Variants in SUSD4 observed in about 807,000 individuals in gnomAD.
SUSD4 encodes sushi domain containing 4, also known as sushi domain-containing protein 4.
Under a neutral mutation model 50.5 loss-of-function variants are expected in SUSD4, and 41 were observed. That is an observed-to-expected ratio of 0.81 (90% CI 0.63 to 1.05). SUSD4 has a LOEUF of 1.05. SUSD4 is among the 50% of genes least tolerant of loss of function. The pLI is 0.00. For synonymous variants in SUSD4, 257 were observed against 257.3 expected (o/e 1.00, Z 0.01); for missense variants, 580 against 634.7 (o/e 0.91, Z 0.93).
intron 1 of SUSD4, 120 bp from the exon 2 acceptor site, chr1:223,363,580 C>G: frequency 8.4e-7 from 1 of 1,195,274 alleles, no homozygotes; most frequent in South Asian, 2.0e-5. Context: ...TGGTTCCTCC[C>G]CCGCGCGGCC....
chr1:223,364,290 C>G (rs1356402618), upstream of SUSD4: 9 of 147,856 alleles, frequency 6.1e-5, no homozygotes, highest in African/African-American at 2.0e-4. The surrounding 1 kb of genome is among the most constrained non-coding windows in gnomAD (Gnocchi z 4.5). Flanking sequence ...CGCGGAGGCG[C>G]CCGCGCGCCC....
intron 5 of SUSD4, chr1:223,235,016 AAC>A (rs1329299618): frequency 6.2e-7 from 1 of 1,611,652 alleles, no homozygotes; most frequent in Admixed American, 1.7e-5. Context: ...AGAGGACTTT[AAC>A]ACAGGGCAAA....
intron 2 of SUSD4, among the ~76,000 whole-genome samples, chr1:223,331,837 C>A (rs2103273047): frequency 6.6e-6 from 1 of 152,320 alleles, no homozygotes; most frequent in Middle Eastern, 3.4e-3. Flanking sequence ...GTGTTCTCCT[C>A]TGCCTCCCCT....
intron 2 of SUSD4, among the ~76,000 whole-genome samples, chr1:223,308,243 T>C (rs977039915): frequency 1.1e-4 from 17 of 152,306 alleles, no homozygotes; most frequent in African/African-American, 3.8e-4. Context: ...GGATTTCTCA[T>C]GAATGGTTCA....
intron 3 of SUSD4, among the ~76,000 whole-genome samples, chr1:223,283,841 T>A (rs182855540): frequency 6.6e-6 from 1 of 152,142 alleles, no homozygotes. Flanking sequence ...CAAATGTCCA[T>A]TAATGATAGA....
intron 3 of SUSD4, among the ~76,000 whole-genome samples, chr1:223,269,439 G>A (rs1193708910): frequency 6.6e-6 from 1 of 152,174 alleles, no homozygotes; most frequent in African/African-American, 2.4e-5. Flanking sequence ...AAATGAACAA[G>A]TGATCATTAC....
Position 223,223,254 on chromosome 1 carries a change from G to T in SUSD4, c.1439C>A (p.Ala480Glu), listed in dbSNP as rs773072554. Reference protein sequence around the residue: ...VASTSPGIDIADEIPLMEEDP With the variant: ...VASTSPGIDIEDEIPLMEEDP Reference sequence around the variant, plus strand: ...GCCCTGGGGCAAGCACTTACCATCTGCAATGTCGATGCCTGGGCTGGTGGA... The same window carrying T: ...GCCCTGGGGCAAGCACTTACCATCTTCAATGTCGATGCCTGGGCTGGTGGA... The change falls in exon 8 of 9, where the codon GCA becomes GAA. Residue 480 changes from alanine (A) to glutamate (E), a missense_variant. Coordinates refer to ENST00000366878, the MANE Select transcript of SUSD4 (RefSeq NM_017982.4). The T allele has an allele frequency of 2.0e-6, 3 of 1,535,398 alleles. No individual in the cohort carries two copies. Among genetic ancestry groups the T allele is most frequent in the Non-Finnish European group, 2.6e-6 (3 of 1,146,364 alleles).
chr1:223,227,157 A>G lies in SUSD4; in HGVS notation c.1061+437T>C, dbSNP rs1197452620. ...CTTTTCTCCTTCCTGAGGCTTCTCA[A>G]TGCATAACACTTTTGTTCACACACC... On this transcript the variant is annotated intron_variant, in intron 7 of 8. Coordinates refer to ENST00000366878, the MANE Select transcript of SUSD4 (RefSeq NM_017982.4). The surrounding 1 kb of genome is among the most constrained non-coding windows in gnomAD (Gnocchi z 4.5). 6.6e-6 allele frequency among the ~76,000 whole-genome samples: 1 copy of G among 152,132 alleles called. No individual in the cohort carries two copies. The highest frequency in any genetic ancestry group is 2.4e-5 in the African/African-American group (1 of 41,412).
chr1:223,363,349 G>A lies in SUSD4; in HGVS notation c.77C>T (p.Pro26Leu), dbSNP rs1669111935. ...QQQQQQQPQS[P>L]QRLLAVILWF... ...CAGGATCACGGCCAAGAGTCTCTGG[G>A]GGGACTGAGGTTGCTGCTGCTGCTG... The change falls in exon 2 of 9, where the codon CCC (proline) becomes CTC (leucine). Residue 26 changes from proline to leucine, a missense_variant. Physicochemically the swap from Pro to Leu is moderately conservative, Grantham distance 98. Coordinates refer to ENST00000366878, the MANE Select transcript of SUSD4 (RefSeq NM_017982.4). The A allele has an allele frequency of 1.9e-6, 3 of 1,608,584 alleles. No individual in the cohort carries two copies. Among genetic ancestry groups the A allele is most frequent in the East Asian group, 2.2e-5 (1 of 44,688 alleles).
chr1:223,347,225 T>C (rs1668082932), intron 2 of SUSD4, among the ~76,000 whole-genome samples: 1 of 152,240 alleles, frequency 6.6e-6, no homozygotes, highest in South Asian at 2.1e-4. Flanking sequence ...CTTTTTTAGT[T>C]ATTTTGAAAT....
rs78481226 is a variant in SUSD4 at position 223,358,468 on chromosome 1, T to C, written c.148+4810A>G. On this transcript the variant is annotated intron_variant, in intron 2 of 8. Coordinates refer to ENST00000366878, the MANE Select transcript of SUSD4 (RefSeq NM_017982.4). The stretch of plus-strand genomic sequence containing the variant: ...CTATAAAGAATGCAGAGCACTTGTT[T>C]ATACCAGAGTTTCCCATCTAAAGGC... 1.8e-3 allele frequency among the ~76,000 whole-genome samples: 276 copies of C among 152,354 alleles called. 2 individuals are homozygous for C. In the East Asian group the frequency reaches 0.025, roughly 14 times the overall value.
At chr1:223,313,932 T>C (rs184490162) in intron 2 of SUSD4, among the ~76,000 whole-genome samples, 1 of 152,246 alleles carries the variant, frequency 6.6e-6, no homozygotes. Context: ...TTCCAGGAAT[T>C]GCCCACCCCT....
chr1:223,229,107 A>G lies in SUSD4; in HGVS notation c.916+90T>C. The G allele has an allele frequency of 7.7e-7, 1 of 1,291,992 alleles. No individual in the cohort carries two copies. Among genetic ancestry groups the G allele is most frequent in the Non-Finnish European group, 1.1e-6 (1 of 933,312 alleles). 80.0% of individuals were successfully genotyped at this position (1,291,992 alleles called of 1,614,324 possible). A position where few individuals can be genotyped will look rare whatever the true frequency, so the allele number is the denominator to read the frequency against. On this transcript the variant is annotated intron_variant, in intron 6 of 8. Transcript: ENST00000366878. This position sits in a 1 kb window ranked among gnomAD's most constrained non-coding sequence, Gnocchi z 4.7. ...TTCCTGACACTGGGTGGGGGAGGAG[A>G]GATACAGCTTGGTACATAACCACCA... is the stretch of plus-strand genomic sequence containing the variant.
intron 5 of SUSD4, among the ~76,000 whole-genome samples, chr1:223,259,703 A>G (rs1661961999): frequency 6.6e-6 from 1 of 152,166 alleles, no homozygotes; most frequent in Non-Finnish European, 1.5e-5. Flanking sequence ...AGCCCCAAGC[A>G]CACAGTGTCT....
In SUSD4 at chr1:223,221,801, C is replaced by T. The variant is rs1571811856; in HGVS notation, c.*391G>A. The T allele has an allele frequency of 5.7e-6, 1 of 174,984 alleles. No homozygotes were observed. The highest frequency in any genetic ancestry group is 1.6e-4 in the East Asian group (1 of 6,430). 10.8% of individuals were successfully genotyped at this position (174,984 alleles called of 1,614,324 possible). On this transcript the variant is annotated 3_prime_UTR_variant, in exon 9 of 9. Transcript: ENST00000366878. ...GACAGTTTGAAGCAGATGTTAGAAG[C>T]AAATTTACATGATGTGACATGCTTT...
At chr1:223,357,631 G>C (rs575020093) in intron 2 of SUSD4, among the ~76,000 whole-genome samples, 1 of 152,170 alleles carries the variant, frequency 6.6e-6, no homozygotes, top group Admixed American at 6.5e-5. Context: ...GAGTTGGTAC[G>C]TAATAAGCAC....
intron 5 of SUSD4, among the ~76,000 whole-genome samples, chr1:223,254,275 T>C (rs73122214): frequency 0.039 from 6,007 of 152,176 alleles, 377 homozygotes; most frequent in African/African-American, 0.13. Flanking sequence ...GGAGAGGTAG[T>C]TCAAACCAAT....
At chr1:223,243,910 C>G (rs1032594476) in intron 5 of SUSD4, among the ~76,000 whole-genome samples, 8 of 152,224 alleles carry the variant, frequency 5.3e-5, no homozygotes, top group African/African-American at 1.7e-4. Flanking sequence ...GAAATAAGAG[C>G]CTCTTTATTC....
At chr1:223,341,488 C>A (rs531897963) in intron 2 of SUSD4, among the ~76,000 whole-genome samples, 56 of 142,392 alleles carry the variant, frequency 3.9e-4, no homozygotes, top group African/African-American at 1.3e-3. Flanking sequence ...GATCCACCTT[C>A]CAGCTGTGAA....
Sources: gnomAD v4.1 joint callset for allele counts (sites outside exome capture counted in the v4.1 genomes callset) on GRCh38, gnomAD v4.1.1 for gene constraint, Gnocchi (gnomAD v3.1) non-coding constraint, MANE v1.5 for transcripts, NCBI Gene and HGNC (gene_info 2026-07-23, HGNC 2026-07-21) for gene names.